CADM2: variants seen among roughly 807,000 people sequenced by gnomAD.
CADM2 encodes the protein immunoglobulin superfamily member 4D.
A neutral mutation model predicts 49.8 loss-of-function variants in CADM2; 12 were observed. That is an observed-to-expected ratio of 0.24 (90% CI 0.15 to 0.39). CADM2 has a LOEUF of 0.39. CADM2 is among the 10% of genes least tolerant of loss of function. The pLI, the probability that CADM2 is intolerant of heterozygous loss-of-function variation, is 1.00. For synonymous variants in CADM2, 214 were observed against 175.4 expected, an observed-to-expected ratio of 1.22 and a Z score of -1.74; for missense variants, 378 against 492.3, an observed-to-expected ratio of 0.77 and a Z score of 2.20.
At chr3:85,841,078 G>C (rs1302899829) in intron 3 of CADM2, among the ~76,000 whole-genome samples, 1 of 151,768 alleles carries the variant, frequency 6.6e-6, no homozygotes, top group African/African-American at 2.4e-5. Context: ...AGAATGATTG[G>C]AGGGCAGTGG....
At chr3:85,570,400 A>G (rs2062441132) in intron 1 of CADM2, among the ~76,000 whole-genome samples, 1 of 152,156 alleles carries the variant, frequency 6.6e-6, no homozygotes, top group African/African-American at 2.4e-5. Context: ...AATAAGTAAA[A>G]TAAAGAATAT....
rs150975766 is a variant in CADM2 at position 85,162,943 on chromosome 3, C to CAT, written c.61+203288_61+203289dup. Among the ~76,000 whole-genome samples the CAT allele has an allele frequency of 2.7e-3, 411 of 150,318 alleles. 2 individuals are homozygous for CAT. Among genetic ancestry groups the CAT allele is most frequent in the African/African-American group, 7.6e-3 (314 of 41,076 alleles). ...ATAGACATATTTTGAAGAAAATAGA[C>CAT]ATATATATATATATGACTATTGAAA... On this transcript the variant is annotated intron_variant, in intron 1 of 9. Coordinates refer to ENST00000383699, the MANE Select transcript of CADM2 (RefSeq NM_001167675.2).
chr3:85,384,903 C>T (rs1308128178), intron 1 of CADM2, among the ~76,000 whole-genome samples: 1 of 151,738 alleles, frequency 6.6e-6, no homozygotes, highest in Non-Finnish European at 1.5e-5. Context: ...TTCCTATATC[C>T]TCCAATAAAG....
At chr3:85,305,355 A>G (rs984587519) in intron 1 of CADM2, among the ~76,000 whole-genome samples, 2 of 151,640 alleles carry the variant, frequency 1.3e-5, no homozygotes, top group African/African-American at 4.8e-5. Context: ...TTCTGTTGAT[A>G]CAAAAAATTA....
intron 1 of CADM2, among the ~76,000 whole-genome samples, chr3:85,031,225 G>A (rs1375888487): frequency 3.9e-5 from 6 of 152,136 alleles, no homozygotes; most frequent in Non-Finnish European, 8.8e-5. Flanking sequence ...CCCATCCTAC[G>A]AGCATCTGCA....
At chr3:85,023,969 G>C (rs1031653695) in intron 1 of CADM2, among the ~76,000 whole-genome samples, 3 of 152,030 alleles carry the variant, frequency 2.0e-5, no homozygotes, top group Non-Finnish European at 2.9e-5. Flanking sequence ...GACATTTCCA[G>C]AAGTTTTCAT....
intron 2 of CADM2, among the ~76,000 whole-genome samples, chr3:85,790,308 T>C (rs899173573): frequency 2.6e-5 from 4 of 152,196 alleles, no homozygotes; most frequent in Non-Finnish European, 5.9e-5. Context: ...AGTCCTGTCA[T>C]AGACACAGCA....
intron 1 of CADM2, among the ~76,000 whole-genome samples, chr3:85,360,171 G>T (rs1486932432): frequency 6.6e-6 from 1 of 151,914 alleles, no homozygotes; most frequent in Non-Finnish European, 1.5e-5. Flanking sequence ...AAGTATTATG[G>T]TTTTTTACTA....
intron 1 of CADM2, among the ~76,000 whole-genome samples, chr3:85,162,907 T>A (rs1016350452): frequency 2.0e-5 from 3 of 152,042 alleles, no homozygotes; most frequent in Non-Finnish European, 4.4e-5. Context: ...GTAATTAGTA[T>A]GTATATGGAG....
intron 1 of CADM2, among the ~76,000 whole-genome samples, chr3:85,308,271 T>A (rs967849266): frequency 8.6e-5 from 13 of 150,822 alleles, no homozygotes; most frequent in East Asian, 7.8e-4. Context: ...TCAAGTTTTT[T>A]TTTATTTATT....
At chr3:85,196,353 C>T (rs2041343384) in intron 1 of CADM2, among the ~76,000 whole-genome samples, 1 of 151,890 alleles carries the variant, frequency 6.6e-6, no homozygotes, top group African/African-American at 2.4e-5. Context: ...ATATTCAGAT[C>T]TTAAAGAGGC....
intron 1 of CADM2, among the ~76,000 whole-genome samples, chr3:85,200,030 G>A (rs959024828): frequency 3.9e-5 from 6 of 152,096 alleles, no homozygotes; most frequent in African/African-American, 1.2e-4. Context: ...TTACATTTAC[G>A]AATATTTTTT....
intron 1 of CADM2, among the ~76,000 whole-genome samples, chr3:85,215,810 C>T (rs974268115): frequency 6.6e-6 from 1 of 152,068 alleles, no homozygotes; most frequent in Admixed American, 6.5e-5. Context: ...TGTGTGCTGG[C>T]TGAGTTCTGC....
At chr3:85,338,840 A>G (rs1016092762) in intron 1 of CADM2, among the ~76,000 whole-genome samples, 1 of 151,524 alleles carries the variant, frequency 6.6e-6, no homozygotes, top group African/African-American at 2.4e-5. Flanking sequence ...TTACAGTAGT[A>G]TAAAGGCATC....
At chr3:85,768,011 T>C (rs1464863966) in intron 2 of CADM2, among the ~76,000 whole-genome samples, 2 of 152,180 alleles carry the variant, frequency 1.3e-5, no homozygotes, top group African/African-American at 4.8e-5. Context: ...CTGATTATTG[T>C]TCAGACGATA....
At chr3:85,508,656 G>T (rs1017380923) in intron 1 of CADM2, among the ~76,000 whole-genome samples, 1 of 152,112 alleles carries the variant, frequency 6.6e-6, no homozygotes, top group African/African-American at 2.4e-5. Flanking sequence ...AGTCTCAGTG[G>T]GAATCAGGTA....
intron 5 of CADM2, among the ~76,000 whole-genome samples, chr3:85,887,412 T>A (rs943799749): frequency 3.9e-5 from 6 of 152,314 alleles, no homozygotes; most frequent in East Asian, 1.9e-4. Flanking sequence ...ATAATTGTGA[T>A]ACCTTATATC....
At chr3:85,857,688 G>C (rs546932820) in intron 3 of CADM2, among the ~76,000 whole-genome samples, 1 of 152,252 alleles carries the variant, frequency 6.6e-6, no homozygotes, top group East Asian at 1.9e-4. Flanking sequence ...TGGTAAGAGA[G>C]TGCAGTTGGT....
At chr3:85,170,360 A>G (rs1438745190) in intron 1 of CADM2, among the ~76,000 whole-genome samples, 2 of 141,492 alleles carry the variant, frequency 1.4e-5, no homozygotes, top group Non-Finnish European at 3.0e-5. Context: ...TTTTTTTGAG[A>G]CAGAGTCTTG....
Sources: allele counts gnomAD v4.1 joint callset (sites outside exome capture counted in the v4.1 genomes callset), GRCh38; gene constraint gnomAD v4.1.1; transcripts MANE v1.5; gene names NCBI Gene and HGNC (gene_info 2026-07-23, HGNC 2026-07-21).